STRN: variants seen among roughly 807,000 people sequenced by gnomAD.
STRN encodes the protein striatin.
In STRN, 53 loss-of-function variants were observed where a neutral mutation model predicts 96.3. The observed-to-expected ratio is 0.55, with a 90% confidence interval of 0.44 to 0.69. The LOEUF (loss-of-function observed/expected upper bound fraction) is 0.69. Among genes scored for constraint, STRN ranks in the 30% least tolerant of loss-of-function variants. The pLI, the probability that STRN is intolerant of heterozygous loss-of-function variation, is 0.00. For missense variants in STRN, 987 were observed against 963.9 expected (o/e 1.02, Z -0.32); for synonymous variants, 428 against 355.9 (o/e 1.20, Z -2.28).
At chr2:36,926,802 C>T (rs1465879335) in intron 1 of STRN, among the ~76,000 whole-genome samples, 1 of 152,034 alleles carries the variant, frequency 6.6e-6, no homozygotes, top group Middle Eastern at 3.2e-3. Flanking sequence ...CATCAAATAA[C>T]CACAAGACTC....
chr2:36,847,211 G>C lies in STRN; in HGVS notation c.*2245C>G, dbSNP rs1668101683. 1 of 152,146 alleles carries C rather than the reference G, an allele frequency of 6.6e-6. No homozygotes were observed. The allele number at this position is 152,146 out of a possible 1,614,324, so 9.4% of individuals were successfully genotyped here. On this transcript the variant is annotated 3_prime_UTR_variant, in exon 18 of 18. Transcript: ENST00000263918. ...ATCTCATGGTTATTTTCCACTCACTGACAGAAAAATTTCAACCATGAAGCA... is the reference window on the plus strand; with the variant it reads ...ATCTCATGGTTATTTTCCACTCACTCACAGAAAAATTTCAACCATGAAGCA...
At position 36,842,408 on chromosome 2, in the gene STRN, G is replaced by C. The variant is rs1193418006; in HGVS notation, c.*7048C>G. 6.6e-6 allele frequency: 1 copy of C among 152,190 alleles called. No individual in the cohort carries two copies. Among genetic ancestry groups the C allele is most frequent in the African/African-American group, 2.4e-5 (1 of 41,452 alleles). The allele number at this position is 152,190 out of a possible 1,614,324, so 9.4% of individuals were successfully genotyped here. ...ATAGTACTCCAAGTGCTGTTTAACA[G>C]ATGTTTTACTGTGGGCTCTCCTTTA... On this transcript the variant is annotated 3_prime_UTR_variant, in exon 18 of 18. Coordinates refer to ENST00000263918, the MANE Select transcript of STRN (RefSeq NM_003162.4).
At chr2:36,875,515 A>G (rs1668881048) in intron 10 of STRN, among the ~76,000 whole-genome samples, 1 of 148,318 alleles carries the variant, frequency 6.7e-6, no homozygotes, top group Non-Finnish European at 1.5e-5. Flanking sequence ...CAAAAAAAAA[A>G]AAAAAAAAAA....
At chr2:36,962,367 A>G (rs1435580481) in intron 1 of STRN, among the ~76,000 whole-genome samples, 4 of 152,038 alleles carry the variant, frequency 2.6e-5, no homozygotes, top group Non-Finnish European at 5.9e-5. Context: ...CACCACACAC[A>G]TATCAAAATC....
chr2:36,906,651 C>A (rs1358993485), intron 3 of STRN, among the ~76,000 whole-genome samples: 1 of 152,048 alleles, frequency 6.6e-6, no homozygotes, highest in African/African-American at 2.4e-5. Context: ...GTAGGCCAGG[C>A]GTGGTGGCTC....
chr2:36,897,066 C>T (rs547681475), intron 6 of STRN, among the ~76,000 whole-genome samples: 1 of 151,786 alleles, frequency 6.6e-6, no homozygotes, highest in Non-Finnish European at 1.5e-5. Context: ...ACTCGGGAGG[C>T]TGAGACAGGA....
At chr2:36,886,648 G>GAA in intron 8 of STRN, 68 bp downstream of exon 8, 316 of 1,129,274 alleles carry the variant, frequency 2.8e-4, no homozygotes, top group South Asian at 4.6e-4. Context: ...GGAAAACATT[G>GAA]AAAAAAAAAA....
At position 36,840,294 on chromosome 2, in the gene STRN, T is replaced by C. The variant is rs1667921245; in HGVS notation, c.*9162A>G. On this transcript the variant is annotated 3_prime_UTR_variant, in exon 18 of 18. Transcript: ENST00000263918. ...GAACAGGGGATGAGCAGAGGAGATATGGGGGTCCGGGGATAGATGGGAGGT... is the reference window on the plus strand; with the variant it reads ...GAACAGGGGATGAGCAGAGGAGATACGGGGGTCCGGGGATAGATGGGAGGT... The C allele has an allele frequency of 1.3e-5, 2 of 152,160 alleles. No individual in the cohort carries two copies. Among genetic ancestry groups the C allele is most frequent in the Non-Finnish European group, 2.9e-5 (2 of 68,120 alleles). 9.4% of individuals were successfully genotyped at this position (152,160 alleles called of 1,614,324 possible).
chr2:36,935,734 T>A (rs1346304665), intron 1 of STRN, among the ~76,000 whole-genome samples: 1 of 152,232 alleles, frequency 6.6e-6, no homozygotes, highest in East Asian at 1.9e-4. Flanking sequence ...CAAAGTGCCT[T>A]GCAATACTGC....
intron 9 of STRN, among the ~76,000 whole-genome samples, chr2:36,883,631 A>T (rs59090472): frequency 3.3e-5 from 5 of 152,168 alleles, no homozygotes; most frequent in African/African-American, 1.2e-4. Flanking sequence ...CAATTTACAG[A>T]CTGCTAATTT....
chr2:36,882,928 T>G (rs78370830), intron 9 of STRN, among the ~76,000 whole-genome samples: 2 of 152,168 alleles, frequency 1.3e-5, no homozygotes, highest in South Asian at 4.1e-4. Flanking sequence ...AATCAGACCT[T>G]GTGTCTAAAA....
chr2:36,917,529 C>CAAAAAAAAGAAAAAAA (rs1250781686), intron 2 of STRN, among the ~76,000 whole-genome samples: 1 of 48,054 alleles, frequency 2.1e-5, no homozygotes, highest in Non-Finnish European at 4.1e-5. Context: ...GTCTCAAAAA[C>CAAAAAAAAGAAAAAAA]AAAAAAAAGA....
intron 7 of STRN, among the ~76,000 whole-genome samples, chr2:36,887,084 C>CACACACACACACACACAT (rs1281980963): frequency 2.5e-5 from 3 of 118,112 alleles, no homozygotes; most frequent in Admixed American, 9.3e-5. Flanking sequence ...CACACACACA[C>CACACACACACACACACAT]ACGGAAGATT....
chr2:36,888,643 G>GTA (rs1669302929), intron 7 of STRN, among the ~76,000 whole-genome samples: 5 of 53,978 alleles, frequency 9.3e-5, no homozygotes, highest in African/African-American at 2.1e-4. Flanking sequence ...ATTTATATGT[G>GTA]TGTGTGTGTG....
chr2:36,915,954 G>A, intron 3 of STRN, 124 bp downstream of exon 3: 1 of 792,374 alleles, frequency 1.3e-6, no homozygotes, highest in Middle Eastern at 3.7e-4. Flanking sequence ...CAAAAGACAA[G>A]CAGGTCAGAA....
At chr2:36,960,625 TACAC>T (rs972895003) in intron 1 of STRN, among the ~76,000 whole-genome samples, 1 of 152,172 alleles carries the variant, frequency 6.6e-6, no homozygotes, top group Non-Finnish European at 1.5e-5. Context: ...ATCCTTAACT[TACAC>T]ATGAGAAAAC....
At chr2:36,917,538 G>GAAAAAAAAAAAAAAA (rs576754026) in intron 2 of STRN, among the ~76,000 whole-genome samples, 25 of 88,592 alleles carry the variant, frequency 2.8e-4, no homozygotes, top group African/African-American at 5.5e-4. Context: ...ACAAAAAAAA[G>GAAAAAAAAAAAAAAA]AAAAAAAAAA....
At chr2:36,963,520 A>G (rs1247003824) in intron 1 of STRN, among the ~76,000 whole-genome samples, 1 of 152,220 alleles carries the variant, frequency 6.6e-6, no homozygotes, top group Non-Finnish European at 1.5e-5. Flanking sequence ...AATTACACTA[A>G]TAAGGGGGGA....
chr2:36,906,746 C>CA (rs564568592), intron 3 of STRN, among the ~76,000 whole-genome samples: 2 of 151,654 alleles, frequency 1.3e-5, no homozygotes, highest in South Asian at 4.2e-4. Context: ...ACCAACATGG[C>CA]AAAAAACCCC....
Sources: gnomAD v4.1 joint callset for allele counts (sites outside exome capture counted in the v4.1 genomes callset) on GRCh38, gnomAD v4.1.1 for gene constraint, MANE v1.5 for transcripts, NCBI Gene and HGNC (gene_info 2026-07-23, HGNC 2026-07-21) for gene names.